The following IL1RAPL1 variants were observed in gnomAD, a reference collection of about 807,000 sequenced individuals.
IL1RAPL1 encodes interleukin 1 receptor accessory protein like 1.
In IL1RAPL1, 3 loss-of-function variants were observed where a neutral mutation model predicts 48.4. That is an observed-to-expected ratio of 0.06 (90% confidence interval 0.03 to 0.16). IL1RAPL1 has a LOEUF of 0.16. Among genes scored for constraint, IL1RAPL1 ranks in the 10% least tolerant of loss-of-function variants. The pLI, the probability that IL1RAPL1 is intolerant of heterozygous loss-of-function variation, is 1.00. For missense variants in IL1RAPL1, 349 were observed against 530.6 expected (o/e 0.66, Z 3.36); for synonymous variants, 185 against 187.7 (o/e 0.99, Z 0.12).
At chrX:29,702,241 G>A (rs1352865042) in intron 6 of IL1RAPL1, among the ~76,000 whole-genome samples, 13 of 103,830 alleles carry the variant, frequency 1.3e-4, no homozygotes, top group African/African-American at 4.3e-4. Flanking sequence ...GCAACAGGGC[G>A]AGACTCTGTC....
At chrX:29,276,411 A>C (rs1932119194) in intron 2 of IL1RAPL1, among the ~76,000 whole-genome samples, 1 of 112,433 alleles carries the variant, frequency 8.9e-6, no homozygotes, top group African/African-American at 3.2e-5. Context: ...AAATCAAATT[A>C]TTCTGAGTTA....
chrX:28,749,930 A>T (rs1245861033), intron 1 of IL1RAPL1, among the ~76,000 whole-genome samples: 1 of 109,329 alleles, frequency 9.1e-6, no homozygotes, highest in African/African-American at 3.4e-5. Flanking sequence ...AAAAAAAGAA[A>T]AAAAAAGAAA....
intron 3 of IL1RAPL1, among the ~76,000 whole-genome samples, chrX:29,334,009 T>C (rs1227188448): frequency 1.4e-4 from 12 of 85,717 alleles, no homozygotes; most frequent in Non-Finnish European, 9.4e-5. Flanking sequence ...ACGGGGCGGC[T>C]GGCCGGGCGG....
intron 3 of IL1RAPL1, among the ~76,000 whole-genome samples, chrX:29,301,132 C>G (rs1389249331): frequency 9.0e-6 from 1 of 111,704 alleles, no homozygotes; most frequent in Non-Finnish European, 1.9e-5. Flanking sequence ...TCCTCATCAG[C>G]AAGAGTTGTT....
At chrX:29,008,443 T>G in intron 2 of IL1RAPL1, among the ~76,000 whole-genome samples, 1 of 112,084 alleles carries the variant, frequency 8.9e-6, no homozygotes, top group South Asian at 3.7e-4. Flanking sequence ...CCCAAAGTGT[T>G]GGGATTACAG....
intron 3 of IL1RAPL1, among the ~76,000 whole-genome samples, chrX:29,381,760 G>A (rs1225115034): frequency 1.0e-5 from 1 of 97,751 alleles, no homozygotes; most frequent in South Asian, 5.0e-4. Context: ...AGGCTGCAGC[G>A]AGCCATGATT....
chrX:29,802,957 ATACATGTG>A lies in IL1RAPL1; in HGVS notation c.779-114501_779-114494del, dbSNP rs1244633210. ...TGTGTACATATGTATGCATATATGTATACATGTGTACATATATACATACATGTGTACAT... is the reference window on the plus strand; with the variant it reads ...TGTGTACATATGTATGCATATATGTATACATATATACATACATGTGTACAT... On this transcript the variant is annotated intron_variant, in intron 6 of 10. Transcript: ENST00000378993. Among the ~76,000 whole-genome samples, 2 of 87,222 alleles carry A rather than the reference ATACATGTG, an allele frequency of 2.3e-5. 1 individual carries two copies. Among genetic ancestry groups the A allele is most frequent in the African/African-American group, 9.2e-5 (2 of 21,814 alleles). The allele number at this position is 87,222 out of a possible 115,157, so 75.7% of individuals were successfully genotyped here.
chrX:29,701,787 G>T (rs1448767072), intron 6 of IL1RAPL1, among the ~76,000 whole-genome samples: 1 of 111,376 alleles, frequency 9.0e-6, no homozygotes, highest in Non-Finnish European at 1.9e-5. Flanking sequence ...ATTTATACCT[G>T]TGAGAGTTAA....
intron 1 of IL1RAPL1, among the ~76,000 whole-genome samples, chrX:28,643,242 T>G (rs929284861): frequency 6.3e-5 from 7 of 111,166 alleles, no homozygotes; most frequent in African/African-American, 2.0e-4. Flanking sequence ...ATTGGCAAAT[T>G]AATGCTGGCT....
intron 3 of IL1RAPL1, among the ~76,000 whole-genome samples, chrX:29,381,825 AAAAAAAAAATATATATATATATATATAT>A (rs1193513329): frequency 1.7e-5 from 1 of 57,645 alleles, no homozygotes; most frequent in African/African-American, 5.6e-5. Flanking sequence ...AAAAAAAAAA[AAAAAAAAAATATATATATATATATATAT>A]ATATATATAT....
At chrX:29,763,731 C>T (rs1928808769) in intron 6 of IL1RAPL1, among the ~76,000 whole-genome samples, 1 of 110,911 alleles carries the variant, frequency 9.0e-6, no homozygotes, top group African/African-American at 3.3e-5. Context: ...TTTTATCTGT[C>T]TCAGGGCATA....
chrX:28,642,125 A>G (rs760426584), intron 1 of IL1RAPL1, among the ~76,000 whole-genome samples: 1 of 111,599 alleles, frequency 9.0e-6, no homozygotes, highest in East Asian at 2.8e-4. Context: ...TCCTAAATAT[A>G]TATGCACCCG....
At chrX:29,596,346 T>C (rs1923548478) in intron 5 of IL1RAPL1, among the ~76,000 whole-genome samples, 1 of 112,485 alleles carries the variant, frequency 8.9e-6, no homozygotes, top group South Asian at 3.7e-4. Flanking sequence ...ACAATATTGA[T>C]TCTACTCATC....
At chrX:28,591,652 C>T (rs1248810124) in intron 1 of IL1RAPL1, among the ~76,000 whole-genome samples, 1 of 111,355 alleles carries the variant, frequency 9.0e-6, no homozygotes, top group Non-Finnish European at 1.9e-5. Flanking sequence ...CTTTTTATTA[C>T]TAAATTCCAA....
At chrX:29,695,935 T>G (rs1245884026) in intron 6 of IL1RAPL1, among the ~76,000 whole-genome samples, 1 of 111,779 alleles carries the variant, frequency 8.9e-6, no homozygotes, top group Non-Finnish European at 1.9e-5. Context: ...TCAGAATAGA[T>G]GGCAATGTAT....
At chrX:29,207,661 G>A (rs953407899) in intron 2 of IL1RAPL1, among the ~76,000 whole-genome samples, 1 of 111,237 alleles carries the variant, frequency 9.0e-6, no homozygotes, top group East Asian at 2.8e-4. Flanking sequence ...ATGTGTGCTT[G>A]GTTATCTGAG....
chrX:29,122,206 G>A (rs1333618707), intron 2 of IL1RAPL1, among the ~76,000 whole-genome samples: 1 of 110,170 alleles, frequency 9.1e-6, no homozygotes, highest in African/African-American at 3.3e-5. Flanking sequence ...CCCTCATATG[G>A]GTCTTTGATT....
chrX:28,762,835 G>C (rs78483099), intron 1 of IL1RAPL1, among the ~76,000 whole-genome samples: 7 of 40,464 alleles, frequency 1.7e-4, no homozygotes, highest in African/African-American at 4.3e-4. Context: ...GAGAGAGAGA[G>C]AGAGAGAGAG....
At chrX:28,769,079 C>A (rs2147255868) in intron 1 of IL1RAPL1, among the ~76,000 whole-genome samples, 1 of 107,420 alleles carries the variant, frequency 9.3e-6, no homozygotes, top group South Asian at 4.1e-4. Context: ...TTATTTTAGA[C>A]CTGATGTGAA....
Sources: allele counts gnomAD v4.1 joint callset (sites outside exome capture counted in the v4.1 genomes callset), GRCh38; gene constraint gnomAD v4.1.1; transcripts MANE v1.5; gene names NCBI Gene and HGNC (gene_info 2026-07-23, HGNC 2026-07-21).